LRRTM4: variants seen among roughly 807,000 people sequenced by gnomAD.
The protein encoded by LRRTM4 is leucine rich repeat transmembrane neuronal 4.
A neutral mutation model predicts 47.6 loss-of-function variants in LRRTM4; 25 were observed. The observed-to-expected ratio is 0.53, with a 90% CI of 0.38 to 0.73. The LOEUF is 0.73. Among genes scored for constraint, LRRTM4 ranks in the 30% least tolerant of loss-of-function variants. LRRTM4 has a pLI of 0.00. For missense variants in LRRTM4, 638 were observed against 713.4 expected, an observed-to-expected ratio of 0.89 and a Z score of 1.20; for synonymous variants, 311 against 269.5, an observed-to-expected ratio of 1.15 and a Z score of -1.51.
intron 3 of LRRTM4, among the ~76,000 whole-genome samples, chr2:77,245,547 A>G (rs1193317575): frequency 2.2e-5 from 1 of 46,426 alleles, no homozygotes; most frequent in African/African-American, 7.3e-5. Flanking sequence ...AAGAAGAAGA[A>G]GAGAAGAAGA....
chr2:76,859,765 T>C (rs1280114398), intron 3 of LRRTM4, among the ~76,000 whole-genome samples: 1 of 152,152 alleles, frequency 6.6e-6, no homozygotes, highest in African/African-American at 2.4e-5. Flanking sequence ...TGTTATGTAT[T>C]TGAAAAATCA....
At chr2:77,414,900 T>G (rs2103867745) in intron 3 of LRRTM4, among the ~76,000 whole-genome samples, 1 of 152,332 alleles carries the variant, frequency 6.6e-6, no homozygotes, top group South Asian at 2.1e-4. Flanking sequence ...AAGTAGAGTT[T>G]GACACTTTCC....
chr2:76,858,554 T>C (rs1360345354), intron 3 of LRRTM4, among the ~76,000 whole-genome samples: 1 of 152,136 alleles, frequency 6.6e-6, no homozygotes, highest in East Asian at 1.9e-4. Flanking sequence ...GCAATGTCTA[T>C]CCAATTTTGA....
intron 3 of LRRTM4, among the ~76,000 whole-genome samples, chr2:76,836,159 T>C (rs982637634): frequency 4.1e-5 from 6 of 146,118 alleles, no homozygotes; most frequent in East Asian, 4.0e-4. Context: ...TAGTATGCGG[T>C]AAAAAAAAAA....
rs182790155 is a variant in LRRTM4 at position 77,309,141 on chromosome 2, T to C, written c.1551+209177A>G. On this transcript the variant is annotated intron_variant, in intron 3 of 3. Transcript: ENST00000409884. ...AATAGAGCAACTTTATGACAATCTT[T>C]TCCTATCATTTTCAACTCAGAAATG... Among the ~76,000 whole-genome samples, 50 of 152,258 alleles carry C rather than the reference T, an allele frequency of 3.3e-4. 1 individual carries two copies. The highest frequency in any genetic ancestry group is 3.3e-3 in the Admixed American group (50 of 15,278).
intron 3 of LRRTM4, among the ~76,000 whole-genome samples, chr2:77,351,987 C>T (rs1671799736): frequency 6.6e-6 from 1 of 152,018 alleles, no homozygotes; most frequent in South Asian, 2.1e-4. Flanking sequence ...AAGTCACCTT[C>T]ATCACATGTT....
chr2:76,844,078 T>C (rs112023380), intron 3 of LRRTM4, among the ~76,000 whole-genome samples: 5,560 of 151,008 alleles, frequency 0.037, 309 homozygotes, highest in African/African-American at 0.12. Context: ...ATTTTTTGTA[T>C]TGTTAATAGA....
Position 77,483,199 on chromosome 2 carries a change from G to A in LRRTM4, c.1551+35119C>T, listed in dbSNP as rs572560107. 2.7e-5 allele frequency among the ~76,000 whole-genome samples: 4 copies of A among 146,802 alleles called. No individual in the cohort carries two copies. The East Asian group carries it at 8.6e-4, about 31-fold the overall frequency. ...ATGCCATTAGGTTCTAATTTACAAT[G>A]CATATACATCATCTAACAATTTATG... On this transcript the variant is annotated intron_variant, in intron 3 of 3. Coordinates refer to ENST00000409884, the MANE Select transcript of LRRTM4 (RefSeq NM_001134745.3).
intron 3 of LRRTM4, among the ~76,000 whole-genome samples, chr2:77,170,918 G>A (rs908684160): frequency 1.3e-5 from 2 of 149,754 alleles, no homozygotes; most frequent in African/African-American, 4.9e-5. Context: ...GGTATGTTAT[G>A]TACATACATA....
At chr2:77,388,376 G>T (rs1412621390) in intron 3 of LRRTM4, among the ~76,000 whole-genome samples, 2 of 152,102 alleles carry the variant, frequency 1.3e-5, no homozygotes, top group Non-Finnish European at 1.5e-5. Flanking sequence ...ATTCAAAACT[G>T]TGACAGCAAT....
chr2:77,073,351 C>G (rs1426669306), intron 3 of LRRTM4, among the ~76,000 whole-genome samples: 2 of 151,742 alleles, frequency 1.3e-5, no homozygotes, highest in African/African-American at 4.8e-5. Context: ...TCCAATTCTT[C>G]TTACTTAGTG....
At chr2:77,111,267 G>T (rs2103934493) in intron 3 of LRRTM4, among the ~76,000 whole-genome samples, 1 of 147,640 alleles carries the variant, frequency 6.8e-6, no homozygotes, top group African/African-American at 2.5e-5. Context: ...ACAGGTGTGT[G>T]TCACCACACC....
intron 3 of LRRTM4, among the ~76,000 whole-genome samples, chr2:77,025,846 T>C (rs1415000662): frequency 6.6e-6 from 1 of 152,182 alleles, no homozygotes; most frequent in East Asian, 1.9e-4. Context: ...TCAACAGTTA[T>C]TTCCACATAT....
intron 3 of LRRTM4, among the ~76,000 whole-genome samples, chr2:76,774,558 T>C (rs1453639638): frequency 3.3e-5 from 5 of 151,860 alleles, no homozygotes; most frequent in African/African-American, 1.2e-4. Context: ...TAAGTGAAAA[T>C]GGATTATGAT....
At chr2:77,033,808 A>G (rs62170898) in intron 3 of LRRTM4, among the ~76,000 whole-genome samples, 18,490 of 151,794 alleles carry the variant, frequency 0.12, 1,408 homozygotes, top group Admixed American at 0.19. Context: ...GTCTTATTAA[A>G]TGAACTAATA....
At chr2:77,393,058 A>C (rs1673564905) in intron 3 of LRRTM4, among the ~76,000 whole-genome samples, 1 of 152,012 alleles carries the variant, frequency 6.6e-6, no homozygotes, top group African/African-American at 2.4e-5. Flanking sequence ...AAAACATTAG[A>C]GCACACTAAA....
intron 3 of LRRTM4, among the ~76,000 whole-genome samples, chr2:76,873,502 G>GTATATATATATATATATATATA (rs1672690488): frequency 1.5e-5 from 1 of 65,478 alleles, no homozygotes; most frequent in African/African-American, 6.3e-5. Context: ...GTATATATAT[G>GTATATATATATATATATATATA]TGTGTATATA....
At chr2:76,962,280 C>T (rs1364128245) in intron 3 of LRRTM4, among the ~76,000 whole-genome samples, 3 of 151,080 alleles carry the variant, frequency 2.0e-5, no homozygotes, top group Non-Finnish European at 3.0e-5. Context: ...TAGACACATA[C>T]AAAAATTTCA....
At chr2:77,254,390 A>G (rs1365709472) in intron 3 of LRRTM4, among the ~76,000 whole-genome samples, 2 of 151,976 alleles carry the variant, frequency 1.3e-5, no homozygotes, top group Non-Finnish European at 2.9e-5. Flanking sequence ...AAAACAAAAC[A>G]AAAGTGAACT....
Sources: gnomAD v4.1 joint callset for allele counts (sites outside exome capture counted in the v4.1 genomes callset) on GRCh38, gnomAD v4.1.1 for gene constraint, MANE v1.5 for transcripts, NCBI Gene and HGNC (gene_info 2026-07-23, HGNC 2026-07-21) for gene names.